FILIP1: variants seen among roughly 807,000 people sequenced by gnomAD.
FILIP1 encodes the protein filamin A interacting protein 1, also known as filamin-A-interacting protein 1.
Under a neutral mutation model 102.1 loss-of-function variants are expected in FILIP1, and 61 were observed. That is an observed-to-expected ratio of 0.60 (90% confidence interval 0.49 to 0.74). The LOEUF (loss-of-function observed/expected upper bound fraction) is 0.74. FILIP1 is among the 30% of genes least tolerant of loss of function. The pLI is 0.00. For synonymous variants in FILIP1, 491 were observed against 526.9 expected (o/e 0.93, Z 0.93); for missense variants, 1,314 against 1,441.2 (o/e 0.91, Z 1.43).
intron 6 of FILIP1, among the ~76,000 whole-genome samples, chr6:75,300,718 G>A (rs1007835111): frequency 1.3e-5 from 2 of 152,062 alleles, no homozygotes; most frequent in Admixed American, 6.6e-5. Flanking sequence ...AAATACTTCC[G>A]CTAATAGGTT....
chr6:75,357,668 A>G (rs978502246), intron 3 of FILIP1, among the ~76,000 whole-genome samples: 1 of 152,238 alleles, frequency 6.6e-6, no homozygotes, highest in African/African-American at 2.4e-5. Flanking sequence ...TTCTGCTATA[A>G]CACACATTAG....
intron 2 of FILIP1, among the ~76,000 whole-genome samples, chr6:75,409,017 T>C (rs1280809002): frequency 6.6e-6 from 1 of 152,180 alleles, no homozygotes; most frequent in African/African-American, 2.4e-5. Context: ...TTTGTCTCCC[T>C]GGTGTAAAAA....
chr6:75,316,532 C>G (rs1457719916), intron 4 of FILIP1, among the ~76,000 whole-genome samples: 1 of 151,550 alleles, frequency 6.6e-6, no homozygotes, highest in Non-Finnish European at 1.5e-5. Flanking sequence ...AGCTGGTGTA[C>G]AAGAAATATT....
At chr6:75,470,515 A>G (rs1037336363) in intron 1 of FILIP1, among the ~76,000 whole-genome samples, 2 of 152,168 alleles carry the variant, frequency 1.3e-5, no homozygotes, top group African/African-American at 2.4e-5. Flanking sequence ...TTGTCTGTAA[A>G]ATGAGGAATA....
At chr6:75,394,664 TAAC>T (rs1776403493) in intron 2 of FILIP1, among the ~76,000 whole-genome samples, 1 of 152,142 alleles carries the variant, frequency 6.6e-6, no homozygotes, top group Non-Finnish European at 1.5e-5. Context: ...CAAATGTCTC[TAAC>T]AACATTTGAA....
chr6:75,384,367 ACTT>A (rs1455533740), intron 2 of FILIP1, among the ~76,000 whole-genome samples: 4 of 152,178 alleles, frequency 2.6e-5, no homozygotes, highest in Non-Finnish European at 5.9e-5. Context: ...AGATCTAGCT[ACTT>A]CTTCTCTTTC....
At chr6:75,473,574 C>T (rs1362857186) in intron 1 of FILIP1, among the ~76,000 whole-genome samples, 4 of 152,066 alleles carry the variant, frequency 2.6e-5, no homozygotes, top group South Asian at 2.1e-4. Flanking sequence ...AAATATGTGA[C>T]TGTTCCATTT....
intron 1 of FILIP1, among the ~76,000 whole-genome samples, chr6:75,428,125 C>T (rs146421168): frequency 2.0e-5 from 3 of 152,262 alleles, no homozygotes; most frequent in Middle Eastern, 3.4e-3. Flanking sequence ...TCTCAACATA[C>T]TTAATTCTCA....
intron 4 of FILIP1, among the ~76,000 whole-genome samples, chr6:75,327,353 GT>G (rs1450587859): frequency 1.3e-5 from 2 of 151,978 alleles, no homozygotes; most frequent in African/African-American, 4.8e-5. Context: ...GAGCCACCCA[GT>G]CTGACTCCCA....
At chr6:75,475,162 T>C (rs1029071970) in intron 1 of FILIP1, among the ~76,000 whole-genome samples, 5 of 152,180 alleles carry the variant, frequency 3.3e-5, no homozygotes, top group Admixed American at 2.0e-4. Flanking sequence ...ATCTCTAACT[T>C]AAAGTGAGTA....
At chr6:75,298,641 G>T (rs1003260255) in intron 6 of FILIP1, among the ~76,000 whole-genome samples, 1 of 152,168 alleles carries the variant, frequency 6.6e-6, no homozygotes, top group African/African-American at 2.4e-5. Flanking sequence ...TTAAAGCCAG[G>T]CTTGGTGGCT....
intron 1 of FILIP1, among the ~76,000 whole-genome samples, chr6:75,450,939 G>C (rs1427513286): frequency 6.6e-6 from 1 of 152,064 alleles, no homozygotes; most frequent in Non-Finnish European, 1.5e-5. Context: ...TGAGCAACAA[G>C]AGCGAAACTC....
chr6:75,383,606 T>C (rs1236008587), intron 2 of FILIP1, among the ~76,000 whole-genome samples: 3 of 152,198 alleles, frequency 2.0e-5, no homozygotes, highest in Admixed American at 6.6e-5. Flanking sequence ...AAGTGGATCA[T>C]TTCAAAATTG....
chr6:75,311,876 T>A (rs1482778745), intron 5 of FILIP1, among the ~76,000 whole-genome samples: 3 of 152,226 alleles, frequency 2.0e-5, no homozygotes, highest in Admixed American at 2.0e-4. Flanking sequence ...TTTTTATACA[T>A]GTAAACTCAC....
intron 4 of FILIP1, among the ~76,000 whole-genome samples, chr6:75,343,820 A>T (rs1774490480): frequency 6.6e-6 from 1 of 152,256 alleles, no homozygotes; most frequent in Non-Finnish European, 1.5e-5. Flanking sequence ...GCACAAGCAA[A>T]TGATAATGTG....
intron 1 of FILIP1, among the ~76,000 whole-genome samples, chr6:75,492,386 CT>C (rs1779987861): frequency 6.6e-6 from 1 of 152,064 alleles, no homozygotes; most frequent in Admixed American, 6.6e-5. Flanking sequence ...TTAAAATGTG[CT>C]TCTATATCTT....
intron 2 of FILIP1, among the ~76,000 whole-genome samples, chr6:75,411,001 C>T (rs1777049943): frequency 6.6e-6 from 1 of 152,220 alleles, no homozygotes; most frequent in Non-Finnish European, 1.5e-5. Flanking sequence ...TCCACACTGT[C>T]TTCCACATTG....
intron 1 of FILIP1, among the ~76,000 whole-genome samples, chr6:75,421,820 G>A (rs897976442): frequency 2.0e-5 from 3 of 152,046 alleles, no homozygotes; most frequent in South Asian, 2.1e-4. Context: ...ATGCTAGCCC[G>A]TCTACTCCTA....
At chr6:75,407,973 T>C (rs965108278) in intron 2 of FILIP1, among the ~76,000 whole-genome samples, 4 of 152,206 alleles carry the variant, frequency 2.6e-5, no homozygotes, top group Non-Finnish European at 5.9e-5. Context: ...TTCAAACTTC[T>C]GTCATTTTTA....
Sources: allele counts gnomAD v4.1 joint callset (sites outside exome capture counted in the v4.1 genomes callset), GRCh38; gene constraint gnomAD v4.1.1; transcripts MANE v1.5; gene names NCBI Gene and HGNC (gene_info 2026-07-23, HGNC 2026-07-21).